The following FGF12 variants were observed in gnomAD, a reference collection of about 807,000 sequenced individuals.
The protein encoded by FGF12 is fibroblast growth factor 12B.
FGF12 carries 14 observed loss-of-function variants against 23.6 expected under a neutral mutation model. That is an observed-to-expected ratio of 0.59 (90% CI 0.39 to 0.93). The LOEUF is 0.93. FGF12 is among the 40% of genes least tolerant of loss of function. FGF12 has a pLI of 0.00. For missense variants in FGF12, 175 were observed against 217.8 expected, an observed-to-expected ratio of 0.80 and a Z score of 1.24; for synonymous variants, 62 against 77.3, an observed-to-expected ratio of 0.80 and a Z score of 1.04.
At chr3:192,157,910 TA>T (rs1352444516) in intron 5 of FGF12, among the ~76,000 whole-genome samples, 3 of 152,138 alleles carry the variant, frequency 2.0e-5, no homozygotes, top group Non-Finnish European at 2.9e-5. Flanking sequence ...TAAATGACCA[TA>T]AAAATAGATA....
intron 4 of FGF12, among the ~76,000 whole-genome samples, chr3:192,293,723 T>C (rs1714884437): frequency 6.6e-6 from 1 of 152,200 alleles, no homozygotes; most frequent in African/African-American, 2.4e-5. Flanking sequence ...ATTCAACATT[T>C]GCCTGCCTTT....
rs575696040 is a variant in FGF12, at chr3:192,393,246, C to T, written c.14-32708G>A. 2.0e-5 allele frequency among the ~76,000 whole-genome samples: 3 copies of T among 152,302 alleles called. No homozygotes were observed. In the South Asian group the frequency reaches 6.2e-4, roughly 32 times the overall value. On this transcript the variant is annotated intron_variant, in intron 2 of 5. Coordinates refer to ENST00000445105, the MANE Select transcript of FGF12 (RefSeq NM_004113.6). ...TACCGTGTTCTACGTAAGGGACTAA[C>T]CTCAAGAAATGACTTTATTAGCACC...
At chr3:192,456,079 G>T (rs1343592974) in intron 2 of FGF12, among the ~76,000 whole-genome samples, 1 of 152,082 alleles carries the variant, frequency 6.6e-6, no homozygotes, top group African/African-American at 2.4e-5. Context: ...TGATACATTA[G>T]GTATCACTAT....
intron 2 of FGF12, among the ~76,000 whole-genome samples, chr3:192,441,294 G>A (rs987510763): frequency 6.6e-6 from 1 of 152,104 alleles, no homozygotes; most frequent in Non-Finnish European, 1.5e-5. Flanking sequence ...GATAAATAAA[G>A]GCATGAGCAA....
chr3:192,576,856 C>T (rs1215543393), intron 2 of FGF12, among the ~76,000 whole-genome samples: 3 of 152,140 alleles, frequency 2.0e-5, no homozygotes. Flanking sequence ...CACATAGACA[C>T]CATGGAATAC....
At chr3:192,525,856 C>A (rs902914895) in intron 2 of FGF12, among the ~76,000 whole-genome samples, 1 of 152,160 alleles carries the variant, frequency 6.6e-6, no homozygotes, top group Non-Finnish European at 1.5e-5. Flanking sequence ...CTCACTGCAA[C>A]CTCCGCCTTC....
intron 4 of FGF12, among the ~76,000 whole-genome samples, chr3:192,177,500 G>C (rs933517495): frequency 6.6e-6 from 1 of 152,190 alleles, no homozygotes; most frequent in African/African-American, 2.4e-5. Flanking sequence ...AACTCAAGTA[G>C]GAATACAGCA....
intron 4 of FGF12, among the ~76,000 whole-genome samples, chr3:192,207,748 T>C (rs1200706206): frequency 6.6e-6 from 1 of 152,096 alleles, no homozygotes; most frequent in Non-Finnish European, 1.5e-5. Context: ...AATGAGTGGA[T>C]TTGTTTTTCA....
chr3:192,481,031 T>G (rs893232110), intron 2 of FGF12, among the ~76,000 whole-genome samples: 1 of 152,166 alleles, frequency 6.6e-6, no homozygotes, highest in Non-Finnish European at 1.5e-5. Flanking sequence ...CCCTGTATGC[T>G]TAATTTATTT....
intron 2 of FGF12, among the ~76,000 whole-genome samples, chr3:192,439,325 A>G (rs1201308786): frequency 1.3e-5 from 2 of 152,130 alleles, no homozygotes; most frequent in African/African-American, 4.8e-5. Context: ...ATATTTCTTT[A>G]TGTCCAACAC....
rs577780873 is a variant in FGF12 at position 192,346,215 on chromosome 3, T to C, written c.125-10751A>G. Among the ~76,000 whole-genome samples the C allele has an allele frequency of 7.9e-5, 12 of 152,288 alleles. No individual in the cohort carries two copies. In the South Asian group the frequency reaches 2.1e-3, roughly 26 times the overall value. The stretch of plus-strand genomic sequence containing the variant: ...CATTGGTTCCCCATTTCCTACAACA[T>C]AAAGCTTACACTCCCTTAAGTGTCA... On this transcript the variant is annotated intron_variant, in intron 3 of 5. Transcript: ENST00000445105.
intron 2 of FGF12, among the ~76,000 whole-genome samples, chr3:192,455,853 T>C (rs890023024): frequency 2.0e-5 from 3 of 152,202 alleles, no homozygotes; most frequent in African/African-American, 4.8e-5. Flanking sequence ...AACAGTTCCA[T>C]TGGTCCCTCA....
At chr3:192,664,616 AAAAGCTGGG>A (rs1716793722) in intron 2 of FGF12, among the ~76,000 whole-genome samples, 1 of 148,606 alleles carries the variant, frequency 6.7e-6, no homozygotes, top group Non-Finnish European at 1.5e-5. Flanking sequence ...AAAAAAAAAA[AAAAGCTGGG>A]CATGGTGGCA....
chr3:192,646,972 T>G (rs961662010), intron 2 of FGF12, among the ~76,000 whole-genome samples: 1 of 152,136 alleles, frequency 6.6e-6, no homozygotes, highest in African/African-American at 2.4e-5. Context: ...CTAGAGAGCT[T>G]GCTTAGGTAG....
chr3:192,306,616 T>C (rs1715665109), intron 4 of FGF12, among the ~76,000 whole-genome samples: 1 of 152,190 alleles, frequency 6.6e-6, no homozygotes, highest in Non-Finnish European at 1.5e-5. Context: ...AATGAATGAA[T>C]TCTAGTTCTC....
chr3:192,243,750 G>A (rs375067215), intron 4 of FGF12, among the ~76,000 whole-genome samples: 1 of 151,830 alleles, frequency 6.6e-6, no homozygotes, highest in Non-Finnish European at 1.5e-5. Flanking sequence ...TCAAACACAC[G>A]GTACTTATGA....
At chr3:192,203,556 T>G in intron 4 of FGF12, among the ~76,000 whole-genome samples, 1 of 150,450 alleles carries the variant, frequency 6.6e-6, no homozygotes, top group African/African-American at 2.5e-5. Context: ...CTTACACTCT[T>G]TTTTCTTTAC....
intron 2 of FGF12, among the ~76,000 whole-genome samples, chr3:192,553,372 T>G (rs980797249): frequency 1.3e-5 from 2 of 152,114 alleles, no homozygotes; most frequent in African/African-American, 4.8e-5. Context: ...TATAATACAG[T>G]TCTTACATTT....
intron 2 of FGF12, among the ~76,000 whole-genome samples, chr3:192,387,293 T>C (rs1469593268): frequency 6.6e-6 from 1 of 152,184 alleles, no homozygotes; most frequent in Non-Finnish European, 1.5e-5. Context: ...TTTCACAGAA[T>C]AGATGTGACA....
Sources: allele counts gnomAD v4.1 joint callset (sites outside exome capture counted in the v4.1 genomes callset), GRCh38; gene constraint gnomAD v4.1.1; transcripts MANE v1.5; gene names NCBI Gene and HGNC (gene_info 2026-07-23, HGNC 2026-07-21).